The following INPP5F variants were observed in gnomAD, a reference collection of about 807,000 sequenced individuals.
The protein encoded by INPP5F is inositol polyphosphate-5-phosphatase F.
A neutral mutation model predicts 137.2 loss-of-function variants in INPP5F; 97 were observed. The observed-to-expected ratio is 0.71, with a 90% confidence interval of 0.60 to 0.84. The LOEUF is 0.84. Among genes scored for constraint, INPP5F ranks in the 40% least tolerant of loss-of-function variants. The pLI is 0.00. For missense variants in INPP5F, 1,271 were observed against 1,371.9 expected, an observed-to-expected ratio of 0.93 and a Z score of 1.16; for synonymous variants, 504 against 476.9, an observed-to-expected ratio of 1.06 and a Z score of -0.74.
intron 2 of INPP5F, among the ~76,000 whole-genome samples, chr10:119,763,657 ACCTGTAGTGTTTTCC>A (rs1849070475): frequency 6.6e-6 from 1 of 152,188 alleles, no homozygotes; most frequent in Non-Finnish European, 1.5e-5. Context: ...ACTTGGGCAC[ACCTGTAGTGTTTTCC>A]CCTGAACGGG....
intron 9 of INPP5F, among the ~76,000 whole-genome samples, chr10:119,800,998 A>G (rs766646011): frequency 1.3e-5 from 2 of 151,864 alleles, no homozygotes; most frequent in Non-Finnish European, 2.9e-5. Context: ...TGACAAGGAC[A>G]TGGAGCAACT....
At chr10:119,752,272 A>G (rs997583905) in intron 2 of INPP5F, among the ~76,000 whole-genome samples, 11 of 152,232 alleles carry the variant, frequency 7.2e-5, no homozygotes, top group Non-Finnish European at 1.6e-4. Flanking sequence ...ACACGCATGT[A>G]TCTACCACCT....
At chr10:119,774,617 GA>G (rs1564821823) in intron 2 of INPP5F, among the ~76,000 whole-genome samples, 2 of 151,654 alleles carry the variant, frequency 1.3e-5, no homozygotes, top group Non-Finnish European at 2.9e-5. Flanking sequence ...TACCACTCCC[GA>G]CCTAGACATT....
chr10:119,726,216 C>A lies in INPP5F; in HGVS notation c.-47C>A. 7.7e-7 allele frequency: 1 copy of A among 1,295,902 alleles called. No homozygotes were observed. Among genetic ancestry groups the A allele is most frequent in the Non-Finnish European group, 1.0e-6 (1 of 984,048 alleles). The allele number at this position is 1,295,902 out of a possible 1,614,324, so 80.3% of individuals were successfully genotyped here. On this transcript the variant is annotated 5_prime_UTR_variant, in exon 1 of 20. Transcript: ENST00000650623. Reference sequence around the variant, plus strand: ...GCGGCCTCGACCGACTAGGACGCCCCGTGCGCCGCCCGCGGGCCGCCGCCT... The same window carrying A: ...GCGGCCTCGACCGACTAGGACGCCCAGTGCGCCGCCCGCGGGCCGCCGCCT...
At chr10:119,758,389 G>A (rs17099271) in intron 2 of INPP5F, among the ~76,000 whole-genome samples, 6,339 of 152,256 alleles carry the variant, frequency 0.042, 239 homozygotes, top group South Asian at 0.22. Flanking sequence ...TCTTGGCAGA[G>A]TACGCAGCTG....
intron 15 of INPP5F, among the ~76,000 whole-genome samples, chr10:119,813,041 A>G (rs1380835692): frequency 6.6e-6 from 1 of 152,192 alleles, no homozygotes; most frequent in Non-Finnish European, 1.5e-5. Flanking sequence ...ATGATTGTCA[A>G]TATCATCTTT....
Position 119,799,673 on chromosome 10 carries a change from C to T in INPP5F, c.1116+1063C>T, listed in dbSNP as rs548399515. Among the ~76,000 whole-genome samples, 3 of 152,232 alleles carry T rather than the reference C, an allele frequency of 2.0e-5. No homozygotes were observed. The South Asian group carries it at 6.2e-4, about 32-fold the overall frequency. On this transcript the variant is annotated intron_variant, in intron 9 of 19. Coordinates refer to ENST00000650623, the MANE Select transcript of INPP5F (RefSeq NM_014937.4). The stretch of plus-strand genomic sequence containing the variant: ...GGTACAGCCATTTTGAAGGTATTAT[C>T]AATTAAATTAAACATACTTATACTG...
chr10:119,742,421 G>C (rs1848403431), intron 1 of INPP5F, among the ~76,000 whole-genome samples: 1 of 152,094 alleles, frequency 6.6e-6, no homozygotes, highest in South Asian at 2.1e-4. Flanking sequence ...CTCCCAAAGT[G>C]CTGGCATTAC....
intron 2 of INPP5F, among the ~76,000 whole-genome samples, chr10:119,772,567 T>G (rs1849397539): frequency 6.6e-6 from 1 of 152,226 alleles, no homozygotes; most frequent in South Asian, 2.1e-4. Context: ...ATTTTATGAC[T>G]TCTGGATTAT....
chr10:119,795,785 A>G (rs932717518), intron 6 of INPP5F, among the ~76,000 whole-genome samples: 2 of 152,130 alleles, frequency 1.3e-5, no homozygotes, highest in African/African-American at 4.8e-5. Flanking sequence ...CAGCCTGGGC[A>G]CCATTGAGCA....
chr10:119,738,852 A>G (rs1397338062), intron 1 of INPP5F, among the ~76,000 whole-genome samples: 1 of 152,108 alleles, frequency 6.6e-6, no homozygotes, highest in African/African-American at 2.4e-5. Flanking sequence ...TGTACCTGCT[A>G]GAGTTTTCAA....
chr10:119,810,767 T>TA (rs1851000201), intron 14 of INPP5F, among the ~76,000 whole-genome samples: 1 of 152,224 alleles, frequency 6.6e-6, no homozygotes, highest in African/African-American at 2.4e-5. Flanking sequence ...ATTGACATTT[T>TA]AAAAATTTAA....
At position 119,828,798 on chromosome 10, in the gene INPP5F, G is replaced by A. The variant is rs1851875824; in HGVS notation, c.*1018G>A. 6.6e-6 allele frequency: 1 copy of A among 152,304 alleles called. No homozygotes were observed. Among genetic ancestry groups the A allele is most frequent in the African/African-American group, 2.4e-5 (1 of 41,432 alleles). 9.4% of individuals were successfully genotyped at this position (152,304 alleles called of 1,614,324 possible). A position where few individuals can be genotyped will look rare whatever the true frequency, so the allele number is the denominator to read the frequency against. On this transcript the variant is annotated 3_prime_UTR_variant, in exon 20 of 20. Transcript: ENST00000650623. ...TGAGATTGAGGCTGCAGTGAGCTGT[G>A]ATCGTGCCACTGACCTCCAGCCTGG...
rs1360635466 is a variant in INPP5F at position 119,794,744 on chromosome 10, G to A, written c.670-1971G>A. Among the ~76,000 whole-genome samples the A allele has an allele frequency of 2.0e-3, 292 of 146,146 alleles. 1 individual carries two copies. The highest frequency in any genetic ancestry group is 6.8e-3 in the African/African-American group (270 of 39,646). On this transcript the variant is annotated intron_variant, in intron 6 of 19. Transcript: ENST00000650623. ...GACGGGGCGGCTGGCCAGGTGGGGGGGCTGACCCCCCCACCTCCCTCCCGG... is the reference window on the plus strand; with the variant it reads ...GACGGGGCGGCTGGCCAGGTGGGGGAGCTGACCCCCCCACCTCCCTCCCGG...
chr10:119,774,239 C>T (rs183065805), intron 2 of INPP5F, among the ~76,000 whole-genome samples: 1,295 of 125,562 alleles, frequency 0.01, 10 homozygotes, highest in South Asian at 0.015. Context: ...TCCAGCCTGG[C>T]GACAGAGGGA....
chr10:119,822,497 T>C lies in INPP5F; in HGVS notation c.2025T>C (p.Ile675=). ...TAAGTCTAGAAAACCTGGAAAAAAT[T>C]GAAATAGGTAAGTTTTAACATACTA... ...QRLSLENLEK[I]EIGPEPTLFG... Residue 675 remains isoleucine, a synonymous_variant, in exon 17 of 20, where the codon ATT becomes ATC. Transcript: ENST00000650623. The C allele has an allele frequency of 6.8e-7, 1 of 1,478,190 alleles. No homozygotes were observed. The highest frequency in any genetic ancestry group is 9.3e-7 in the Non-Finnish European group (1 of 1,073,512). The allele number at this position is 1,478,190 out of a possible 1,614,324, so 91.6% of individuals were successfully genotyped here. A position where few individuals can be genotyped will look rare whatever the true frequency, so the allele number is the denominator to read the frequency against.
intron 9 of INPP5F, among the ~76,000 whole-genome samples, chr10:119,801,076 A>G (rs777512799): frequency 2.0e-5 from 3 of 152,216 alleles, no homozygotes; most frequent in East Asian, 1.9e-4. Context: ...AGGCATGTAC[A>G]AGAACACTCA....
chr10:119,777,482 C>T (rs1264062539), intron 2 of INPP5F, among the ~76,000 whole-genome samples: 9 of 151,932 alleles, frequency 5.9e-5, no homozygotes, highest in South Asian at 2.1e-4. Context: ...GCCGAGATTG[C>T]GCCACCGCAC....
chr10:119,760,052 A>G (rs563897255), intron 2 of INPP5F, among the ~76,000 whole-genome samples: 1 of 152,150 alleles, frequency 6.6e-6, no homozygotes, highest in Non-Finnish European at 1.5e-5. Context: ...TGAGCTCCCC[A>G]GAGTGTGGTT....
Sources: gnomAD v4.1 joint callset for allele counts (sites outside exome capture counted in the v4.1 genomes callset) on GRCh38, gnomAD v4.1.1 for gene constraint, MANE v1.5 for transcripts, NCBI Gene and HGNC (gene_info 2026-07-23, HGNC 2026-07-21) for gene names.